Variants in BEND4 observed in about 807,000 individuals in gnomAD.
The protein encoded by BEND4 is BEN domain containing 4.
BEND4 carries 27 observed loss-of-function variants against 54.7 expected under a neutral mutation model. The ratio of observed to expected loss-of-function variants is 0.49; its 90% CI spans 0.36 to 0.68. The LOEUF is 0.68. Among genes scored for constraint, BEND4 ranks in the 30% least tolerant of loss-of-function variants. The probability of loss-of-function intolerance (pLI) is 0.00; values close to 1 mark genes in which losing one functional copy is unlikely to be tolerated. For missense variants in BEND4, 702 were observed against 697.2 expected, an observed-to-expected ratio of 1.01 and a Z score of -0.08; for synonymous variants, 327 against 299.5, an observed-to-expected ratio of 1.09 and a Z score of -0.95.
At chr4:42,128,802 G>A (rs1393907063) in intron 3 of BEND4, among the ~76,000 whole-genome samples, 3 of 151,712 alleles carry the variant, frequency 2.0e-5, no homozygotes, top group African/African-American at 7.3e-5. Context: ...CGGGCGTGGT[G>A]GTGGGCGCCT....
At chr4:42,146,288 TG>T (rs1560584649) in intron 2 of BEND4, among the ~76,000 whole-genome samples, 1 of 152,202 alleles carries the variant, frequency 6.6e-6, no homozygotes, top group Non-Finnish European at 1.5e-5. Flanking sequence ...TCCCTCCTAG[TG>T]GAAGATAAAG....
At chr4:42,124,642 G>A (rs1196735764) in intron 4 of BEND4, among the ~76,000 whole-genome samples, 2 of 152,282 alleles carry the variant, frequency 1.3e-5, no homozygotes, top group African/African-American at 4.8e-5. Flanking sequence ...CTCTGGTAGC[G>A]GTGGAAGTGA....
At chr4:42,151,567 A>G in intron 2 of BEND4, 90 bp downstream of exon 2, 1 of 1,307,424 alleles carries the variant, frequency 7.6e-7, no homozygotes, top group Non-Finnish European at 9.9e-7. Flanking sequence ...AGCACGGGTA[A>G]GTGTCGGCGG....
At chr4:42,136,683 GT>G (rs1720709592) in intron 3 of BEND4, among the ~76,000 whole-genome samples, 1 of 152,132 alleles carries the variant, frequency 6.6e-6, no homozygotes, top group Admixed American at 6.5e-5. Context: ...TTGTATTTTT[GT>G]GACTTTTGTT....
At chr4:42,119,898 CT>C (rs1719992434) in intron 5 of BEND4, 155 bp downstream of exon 5, 2 of 892,216 alleles carry the variant, frequency 2.2e-6, no homozygotes, top group Admixed American at 4.5e-5. Flanking sequence ...TTTAAAAGAG[CT>C]TCTCAAGACT....
At chr4:42,123,694 G>GAA (rs71664396) in intron 4 of BEND4, among the ~76,000 whole-genome samples, 2,116 of 50,536 alleles carry the variant, frequency 0.042, 64 homozygotes, top group African/African-American at 0.11. Flanking sequence ...CTGTAATTCA[G>GAA]AAAAAAAAAA....
chr4:42,119,833 T>C, intron 5 of BEND4: 2 of 543,154 alleles, frequency 3.7e-6, no homozygotes, highest in South Asian at 2.2e-5. Context: ...TGAGGTGCTA[T>C]GCGATGCTTA....
intron 2 of BEND4, among the ~76,000 whole-genome samples, chr4:42,149,906 G>C (rs1721203904): frequency 6.6e-6 from 1 of 152,136 alleles, no homozygotes; most frequent in African/African-American, 2.4e-5. Flanking sequence ...TGTATAACAG[G>C]AAGTAAAATA....
chr4:42,152,112 CCCT>C lies in BEND4; in HGVS notation c.29_31del (p.Glu10del), dbSNP rs977880594. Reference sequence around the variant, plus strand: ...CTTGTAGATTTTGGGGACGCTGGGCCCCTCCTCTGCCGGCTGCATCTCTTCCTC... The same window carrying C: ...CTTGTAGATTTTGGGGACGCTGGGCCCCTCTGCCGGCTGCATCTCTTCCTC... On this transcript the variant is annotated inframe_deletion, in exon 2 of 6. Transcript: ENST00000502486. 1.5e-5 allele frequency: 19 copies of C among 1,247,454 alleles called. No homozygotes were observed. The Admixed American group carries it at 5.4e-4, about 36-fold the overall frequency. The allele number at this position is 1,247,454 out of a possible 1,614,324, so 77.3% of individuals were successfully genotyped here.
At position 42,120,297 on chromosome 4, in the gene BEND4, G is replaced by C; in HGVS notation, c.1147-3C>G. ...TTGTTCAACAGCTGCTTGCTTCCCT[G>C]GAAAAGCGAAATATTTTCTCATTAC... On this transcript the variant is annotated splice_region_variant and splice_polypyrimidine_tract_variant and intron_variant, in intron 4 of 5. Transcript: ENST00000502486. The C allele has an allele frequency of 6.3e-7, 1 of 1,591,468 alleles. No homozygotes were observed. The highest frequency in any genetic ancestry group is 1.1e-5 in the South Asian group (1 of 90,510).
At chr4:42,121,186 C>T (rs1242671618) in intron 4 of BEND4, among the ~76,000 whole-genome samples, 1 of 152,110 alleles carries the variant, frequency 6.6e-6, no homozygotes, top group South Asian at 2.1e-4. Flanking sequence ...TACAACTCGG[C>T]AAATTTACTA....
intron 3 of BEND4, among the ~76,000 whole-genome samples, chr4:42,141,460 T>C (rs1720877473): frequency 6.6e-6 from 1 of 152,232 alleles, no homozygotes; most frequent in Non-Finnish European, 1.5e-5. Flanking sequence ...GGCCGGGTGC[T>C]GTGGCTAATG....
In BEND4 at chr4:42,115,756, G is replaced by C. The variant is rs558165015; in HGVS notation, c.*1762C>G. 2 of 152,182 alleles carry C rather than the reference G, an allele frequency of 1.3e-5. No individual in the cohort carries two copies. The highest frequency in any genetic ancestry group is 4.8e-5 in the African/African-American group (2 of 41,438). The allele number at this position is 152,182 out of a possible 1,614,324, so 9.4% of individuals were successfully genotyped here. ...CAAAGAGACTGGTCTCATGGCTGCC[G>C]TAAGAACATGGCATTTGCCCATATC... On this transcript the variant is annotated 3_prime_UTR_variant, in exon 6 of 6. Transcript: ENST00000502486.
chr4:42,146,673 G>A (rs1721092702), intron 2 of BEND4, among the ~76,000 whole-genome samples: 1 of 152,196 alleles, frequency 6.6e-6, no homozygotes, highest in Non-Finnish European at 1.5e-5. Context: ...CACAACAGCA[G>A]TTTTCATTCA....
intron 2 of BEND4, among the ~76,000 whole-genome samples, chr4:42,147,298 T>C (rs1721110011): frequency 6.6e-6 from 1 of 152,138 alleles, no homozygotes. Context: ...TTCCACTTAA[T>C]ACACATTGCA....
intron 2 of BEND4, 86 bp from the exon 3 acceptor site, chr4:42,144,080 A>G: frequency 5.4e-6 from 5 of 932,588 alleles, no homozygotes; most frequent in Non-Finnish European, 8.5e-6. Context: ...TAACATTCAA[A>G]CATGTTAAAA....
intron 2 of BEND4, chr4:42,151,314 G>A: frequency 4.8e-6 from 1 of 208,192 alleles, no homozygotes. Context: ...AGAAGCTCCA[G>A]CTTCTTCCCG....
intron 3 of BEND4, among the ~76,000 whole-genome samples, chr4:42,128,708 C>T (rs1279413111): frequency 1.3e-5 from 2 of 151,758 alleles, no homozygotes; most frequent in Non-Finnish European, 2.9e-5. Context: ...AGGCCGGGTG[C>T]GGTGGCTCAT....
At chr4:42,147,426 C>T (rs1721114257) in intron 2 of BEND4, among the ~76,000 whole-genome samples, 1 of 151,332 alleles carries the variant, frequency 6.6e-6, no homozygotes, top group Non-Finnish European at 1.5e-5. Context: ...TGAATGGCTA[C>T]TGATCTATGA....
Sources: gnomAD v4.1 joint callset for allele counts (sites outside exome capture counted in the v4.1 genomes callset) on GRCh38, gnomAD v4.1.1 for gene constraint, MANE v1.5 for transcripts, NCBI Gene and HGNC (gene_info 2026-07-23, HGNC 2026-07-21) for gene names.